The following ROBO2 variants were observed in gnomAD, a reference collection of about 807,000 sequenced individuals.
ROBO2 encodes roundabout guidance receptor 2.
ROBO2 carries 53 observed loss-of-function variants against 160.8 expected under a neutral mutation model. That is an observed-to-expected ratio of 0.33 (90% CI 0.26 to 0.41). The LOEUF is 0.41. Ranked by LOEUF, ROBO2 falls within the 10% of genes least tolerant of loss-of-function variation. The probability of loss-of-function intolerance (pLI) is 1.00; values close to 1 mark genes in which losing one functional copy is unlikely to be tolerated. For missense variants in ROBO2, 1,577 were observed against 1,722.4 expected (o/e 0.92, Z 1.49); for synonymous variants, 664 against 611.7 (o/e 1.09, Z -1.26).
chr3:77,085,507 C>A (rs1205092028), intron 1 of ROBO2, among the ~76,000 whole-genome samples: 1 of 152,044 alleles, frequency 6.6e-6, no homozygotes, highest in Admixed American at 6.6e-5. Context: ...ATGATGCTGT[C>A]ACTTCTGTTC....
chr3:76,702,799 G>C (rs2093075136), intron 2 of ROBO2, among the ~76,000 whole-genome samples: 1 of 152,064 alleles, frequency 6.6e-6, no homozygotes, highest in African/African-American at 2.4e-5. Flanking sequence ...AAAAAAGTCA[G>C]ACTCCAAGAA....
At chr3:76,719,649 C>T (rs1372959229) in intron 2 of ROBO2, among the ~76,000 whole-genome samples, 4 of 152,220 alleles carry the variant, frequency 2.6e-5, no homozygotes, top group East Asian at 1.9e-4. Flanking sequence ...TTTGGGAGGC[C>T]GAGGCGGGTG....
At chr3:77,425,083 C>A (rs1410167575) in intron 2 of ROBO2, among the ~76,000 whole-genome samples, 3 of 151,132 alleles carry the variant, frequency 2.0e-5, no homozygotes, top group African/African-American at 7.3e-5. Flanking sequence ...GAGTGAAAGG[C>A]AAATTGGTAA....
At chr3:76,247,428 A>G (rs979917443) in intron 2 of ROBO2, among the ~76,000 whole-genome samples, 2 of 152,150 alleles carry the variant, frequency 1.3e-5, no homozygotes, top group Admixed American at 1.3e-4. Context: ...TTAGCTTTCC[A>G]TTAAATATAT....
intron 2 of ROBO2, among the ~76,000 whole-genome samples, chr3:77,304,691 C>G (rs916241237): frequency 6.6e-6 from 1 of 152,088 alleles, no homozygotes; most frequent in Non-Finnish European, 1.5e-5. Context: ...CTGCTTTTAT[C>G]TTTAATAAGT....
At chr3:76,047,574 A>G (rs868721440) in intron 2 of ROBO2, among the ~76,000 whole-genome samples, 2 of 152,204 alleles carry the variant, frequency 1.3e-5, no homozygotes, top group African/African-American at 4.8e-5. Flanking sequence ...ATGCAACACA[A>G]TCCTTCTGGG....
At chr3:77,329,536 G>T (rs1484510823) in intron 2 of ROBO2, among the ~76,000 whole-genome samples, 4 of 152,098 alleles carry the variant, frequency 2.6e-5, no homozygotes, top group African/African-American at 9.7e-5. Flanking sequence ...GCAGCTTTTT[G>T]TCAATAAGCA....
At chr3:77,347,330 T>G (rs138222912) in intron 2 of ROBO2, among the ~76,000 whole-genome samples, 1,955 of 152,182 alleles carry the variant, frequency 0.013, 23 homozygotes, top group Middle Eastern at 0.017. Context: ...GTTCCAGACC[T>G]GAAATATTAT....
chr3:76,677,790 A>G (rs2092447808), intron 2 of ROBO2, among the ~76,000 whole-genome samples: 1 of 151,926 alleles, frequency 6.6e-6, no homozygotes, highest in South Asian at 2.1e-4. Context: ...TGTGATTATA[A>G]GTTACTATGA....
At chr3:76,930,619 G>A (rs116516214) in intron 2 of ROBO2, among the ~76,000 whole-genome samples, 2 of 152,096 alleles carry the variant, frequency 1.3e-5, no homozygotes, top group African/African-American at 4.8e-5. Flanking sequence ...CTTGATCAAG[G>A]AGGCTAAGTA....
chr3:76,927,311 T>G lies in ROBO2; in HGVS notation c.110-170703T>G, dbSNP rs185016810. Among the ~76,000 whole-genome samples the G allele has an allele frequency of 3.3e-4, 51 of 152,276 alleles. No individual in the cohort carries two copies. The East Asian group carries it at 9.3e-3, about 28-fold the overall frequency. ...AAAAAGAAAGAGACTAAGAAATCCT[T>G]GGCCCAAAACCCTCCCCAAATCATT... On this transcript the variant is annotated intron_variant, in intron 2 of 26. Coordinates refer to the ROBO2 transcript ENST00000487694.
At chr3:76,896,528 T>C (rs1433707651) in intron 2 of ROBO2, among the ~76,000 whole-genome samples, 1 of 152,182 alleles carries the variant, frequency 6.6e-6, no homozygotes, top group Non-Finnish European at 1.5e-5. Context: ...ATTGGGTGAA[T>C]ATGTGATATA....
intron 2 of ROBO2, among the ~76,000 whole-genome samples, chr3:77,118,625 A>T (rs1182187834): frequency 2.0e-5 from 3 of 152,184 alleles, no homozygotes; most frequent in Admixed American, 2.0e-4. Context: ...TTCTCTCTGA[A>T]ATGACATGTA....
At chr3:76,251,929 G>A (rs1203292606) in intron 2 of ROBO2, among the ~76,000 whole-genome samples, 2 of 151,950 alleles carry the variant, frequency 1.3e-5, no homozygotes, top group South Asian at 2.1e-4. Flanking sequence ...ACAGAGATGA[G>A]GTTTTATAAG....
intron 2 of ROBO2, among the ~76,000 whole-genome samples, chr3:76,070,376 T>A (rs776654640): frequency 6.6e-6 from 1 of 152,088 alleles, no homozygotes; most frequent in East Asian, 1.9e-4. Context: ...ATTGCAGAGA[T>A]GAAATGGACT....
chr3:76,015,664 G>T (rs2066386117), intron 2 of ROBO2, among the ~76,000 whole-genome samples: 1 of 152,166 alleles, frequency 6.6e-6, no homozygotes, highest in Non-Finnish European at 1.5e-5. Context: ...TGGCCAGATG[G>T]CGCACACAAT....
At chr3:76,020,614 C>G (rs1024375751) in intron 2 of ROBO2, among the ~76,000 whole-genome samples, 1 of 151,766 alleles carries the variant, frequency 6.6e-6, no homozygotes, top group Non-Finnish European at 1.5e-5. Context: ...AAAATCAAAT[C>G]ACCTGCTATT....
In ROBO2 at chr3:76,693,638, C is replaced by A. The variant is rs189438519; in HGVS notation, c.110-404376C>A. ...ACATAGCGCAGTCCAAGTCTGAAGG[C>A]CTGAGAACAAGAGGAGTTGATCGTG... On this transcript the variant is annotated intron_variant, in intron 2 of 26. Transcript: ENST00000487694. Among the ~76,000 whole-genome samples, 76 of 152,090 alleles carry A rather than the reference C, an allele frequency of 5.0e-4. No individual in the cohort carries two copies. The Middle Eastern group carries it at 0.014, about 27-fold the overall frequency.
intron 2 of ROBO2, among the ~76,000 whole-genome samples, chr3:76,060,119 T>A (rs1441905066): frequency 2.8e-5 from 4 of 144,860 alleles, no homozygotes; most frequent in East Asian, 2.0e-4. Flanking sequence ...TTTTTTTTTT[T>A]AAAGACAATG....
Sources: allele counts gnomAD v4.1 joint callset (sites outside exome capture counted in the v4.1 genomes callset), GRCh38; gene constraint gnomAD v4.1.1; transcripts MANE v1.5; gene names NCBI Gene and HGNC (gene_info 2026-07-23, HGNC 2026-07-21).